The following ZNF75D variants were observed in gnomAD, a reference collection of about 807,000 sequenced individuals.
ZNF75D encodes the protein zinc finger protein 75.
In ZNF75D, 33 loss-of-function variants were observed where a neutral mutation model predicts 33.3. The observed-to-expected ratio is 0.99, with a 90% CI of 0.75 to 1.32. ZNF75D has a LOEUF of 1.32. ZNF75D is among the 40% of genes most tolerant of loss of function. ZNF75D has a pLI of 0.00. For missense variants in ZNF75D, 338 were observed against 367.5 expected, an observed-to-expected ratio of 0.92 and a Z score of 0.66; for synonymous variants, 113 against 130.6, an observed-to-expected ratio of 0.87 and a Z score of 0.92.
Position 135,264,162 on chromosome X carries a change from C to A in ZNF75D, n.828-8385G>T, listed in dbSNP as rs140290976. Among the ~76,000 whole-genome samples, 826 of 111,951 alleles carry A rather than the reference C, an allele frequency of 7.4e-3. 2 individuals carry two copies. The highest frequency in any genetic ancestry group is 0.01 in the Non-Finnish European group (557 of 53,243). On this transcript the variant is annotated intron_variant and non_coding_transcript_variant, in intron 1 of 3. Coordinates refer to the ZNF75D transcript ENST00000494295. ...TGACTTGGAGGCCTCAGGAAACTTA[C>A]ACTCATAGCAGAAGGGGAAGCAAGC...
In ZNF75D at chrX:135,342,151, C is replaced by G. The variant is rs1274523789; in HGVS notation, c.-774G>C. The G allele has an allele frequency of 8.9e-6, 1 of 112,049 alleles. No homozygotes were observed. The highest frequency in any genetic ancestry group is 1.9e-5 in the Non-Finnish European group (1 of 53,172). 9.2% of individuals were successfully genotyped at this position (112,049 alleles called of 1,213,427 possible). ...TACACTGATGACATGCTAATTAGAC[C>G]TAGTGAACAAGAAGTAGCAACTACT... On this transcript the variant is annotated 5_prime_UTR_variant, in exon 1 of 7. Coordinates refer to ENST00000370766, the MANE Select transcript of ZNF75D (RefSeq NM_007131.5).
intron 3 of ZNF75D, among the ~76,000 whole-genome samples, chrX:135,292,698 C>T (rs1287404366): frequency 1.8e-5 from 2 of 112,318 alleles, no homozygotes; most frequent in Admixed American, 9.4e-5. Context: ...TGCAGATCCC[C>T]GCCCCCCAAC....
chrX:135,332,398 G>T (rs1556440808), intron 1 of ZNF75D, among the ~76,000 whole-genome samples: 1 of 110,398 alleles, frequency 9.1e-6, no homozygotes, highest in Admixed American at 9.6e-5. Context: ...GAGGTGATTG[G>T]GTCATGAGGG....
chrX:135,302,413 A>G (rs180784626), intron 1 of ZNF75D, among the ~76,000 whole-genome samples: 26 of 112,094 alleles, frequency 2.3e-4, no homozygotes, highest in Non-Finnish European at 3.9e-4. Context: ...GTAAGTCAGC[A>G]AGTGAGTGAG....
At chrX:135,268,899 C>T (rs1326871292) in intron 1 of ZNF75D, among the ~76,000 whole-genome samples, 2 of 111,388 alleles carry the variant, frequency 1.8e-5, no homozygotes, top group Admixed American at 9.5e-5. Flanking sequence ...TAAACACAGA[C>T]ACATAGACCA....
chrX:135,337,808 T>C (rs782702882), intron 1 of ZNF75D, among the ~76,000 whole-genome samples: 2 of 110,939 alleles, frequency 1.8e-5, no homozygotes, highest in African/African-American at 6.6e-5. Flanking sequence ...CCTTATGTCA[T>C]TGGAAAGCAG....
At chrX:135,266,617 C>A (rs1356158697) in intron 1 of ZNF75D, among the ~76,000 whole-genome samples, 1 of 111,609 alleles carries the variant, frequency 9.0e-6, no homozygotes, top group Non-Finnish European at 1.9e-5. Flanking sequence ...CTGGAGCACC[C>A]AGATATGTAA....
intron 6 of ZNF75D, among the ~76,000 whole-genome samples, chrX:135,288,898 A>G (rs1360075185): frequency 1.8e-5 from 2 of 112,137 alleles, no homozygotes; most frequent in Non-Finnish European, 3.8e-5. Flanking sequence ...GTACTTCCCT[A>G]TGTCTGTGCC....
At chrX:135,266,258 GAAGT>G (rs1371627343) in intron 1 of ZNF75D, among the ~76,000 whole-genome samples, 3 of 111,665 alleles carry the variant, frequency 2.7e-5, no homozygotes, top group Non-Finnish European at 3.8e-5. Flanking sequence ...CAAAATTGCA[GAAGT>G]AAGTTCCTAT....
rs898124866 is a variant in ZNF75D at position 135,263,035 on chromosome X, C to T, written n.828-7258G>A. Among the ~76,000 whole-genome samples, 4 of 112,565 alleles carry T rather than the reference C, an allele frequency of 3.6e-5. No individual in the cohort carries two copies. In the South Asian group the frequency reaches 1.5e-3, roughly 41 times the overall value. Reference sequence around the variant, plus strand: ...TTTTCCTTTCTGTTTGTTAGTTTTCCTTCTAACAGTCAGGCCCCTCAGCTG... The same window carrying T: ...TTTTCCTTTCTGTTTGTTAGTTTTCTTTCTAACAGTCAGGCCCCTCAGCTG... On this transcript the variant is annotated intron_variant and non_coding_transcript_variant, in intron 1 of 3. Transcript: ENST00000494295.
chrX:135,327,252 G>A (rs1333012429), intron 1 of ZNF75D, among the ~76,000 whole-genome samples: 5 of 112,594 alleles, frequency 4.4e-5, no homozygotes, highest in African/African-American at 1.6e-4. Flanking sequence ...TTTGTTGATG[G>A]CAAGTAAAGA....
intron 1 of ZNF75D, among the ~76,000 whole-genome samples, chrX:135,296,387 G>A (rs1360534362): frequency 9.0e-6 from 1 of 111,528 alleles, no homozygotes; most frequent in African/African-American, 3.3e-5. Flanking sequence ...GCTTCCTGGC[G>A]GCTGGCAGCC....
intron 1 of ZNF75D, among the ~76,000 whole-genome samples, chrX:135,266,836 C>T (rs887670066): frequency 9.0e-6 from 1 of 111,663 alleles, no homozygotes; most frequent in South Asian, 3.7e-4. Flanking sequence ...ATCTTTTCCT[C>T]GACACATGGA....
intron 1 of ZNF75D, among the ~76,000 whole-genome samples, chrX:135,302,730 G>A (rs188566427): frequency 1.8e-5 from 2 of 111,682 alleles, no homozygotes; most frequent in East Asian, 5.7e-4. Context: ...TCAGGGATGG[G>A]CTAGCCAGTG....
chrX:135,330,775 A>G (rs1360064086), intron 1 of ZNF75D: 1 of 112,573 alleles, frequency 8.9e-6, no homozygotes, highest in Non-Finnish European at 1.9e-5. Context: ...TTGGTTTGAT[A>G]TGTTTTTATG....
Position 135,286,272 on chromosome X carries a change from A to G in ZNF75D, c.*865T>C, listed in dbSNP as rs782778541. The G allele has an allele frequency of 1.8e-5, 2 of 111,838 alleles. No individual in the cohort carries two copies. The highest frequency in any genetic ancestry group is 1.9e-4 in the Admixed American group (2 of 10,565). 9.2% of individuals were successfully genotyped at this position (111,838 alleles called of 1,213,427 possible). A position where few individuals can be genotyped will look rare whatever the true frequency, so the allele number is the denominator to read the frequency against. Reference sequence around the variant, plus strand: ...CAGCCATAAAGATGGGGCTCCCTTTAGGTCCTGCAGCAGTATGGCACCAGT... The same window carrying G: ...CAGCCATAAAGATGGGGCTCCCTTTGGGTCCTGCAGCAGTATGGCACCAGT... On this transcript the variant is annotated 3_prime_UTR_variant, in exon 7 of 7. Coordinates refer to ENST00000370766, the MANE Select transcript of ZNF75D (RefSeq NM_007131.5).
intron 1 of ZNF75D, among the ~76,000 whole-genome samples, chrX:135,275,761 C>T (rs1485030104): frequency 9.0e-6 from 1 of 110,597 alleles, no homozygotes; most frequent in African/African-American, 3.3e-5. Context: ...ATCTTTTGTT[C>T]CATTTATCTG....
chrX:135,331,272 T>A (rs1054483391), intron 1 of ZNF75D, among the ~76,000 whole-genome samples: 1 of 110,894 alleles, frequency 9.0e-6, no homozygotes, highest in Admixed American at 9.7e-5. Flanking sequence ...AGAAGTAGAA[T>A]CCCCAGGTGC....
chrX:135,260,501 C>T (rs1556415328), intron 1 of ZNF75D, among the ~76,000 whole-genome samples: 1 of 111,695 alleles, frequency 9.0e-6, no homozygotes, highest in African/African-American at 3.3e-5. Flanking sequence ...AGAGACTCAA[C>T]TTCTTCCTGG....
Sources: allele counts gnomAD v4.1 joint callset (sites outside exome capture counted in the v4.1 genomes callset), GRCh38; gene constraint gnomAD v4.1.1; transcripts MANE v1.5; gene names NCBI Gene and HGNC (gene_info 2026-07-23, HGNC 2026-07-21).